The following PTBP3 variants were observed in gnomAD, a reference collection of about 807,000 sequenced individuals.
PTBP3 encodes polypyrimidine tract binding protein 3, also known as polypyrimidine tract-binding protein 3.
PTBP3 carries 20 observed loss-of-function variants against 58.7 expected under a neutral mutation model. That is an observed-to-expected ratio of 0.34 (90% CI 0.24 to 0.50). The LOEUF is 0.50. Among genes scored for constraint, PTBP3 ranks in the 20% least tolerant of loss-of-function variants. The pLI, the probability that PTBP3 is intolerant of heterozygous loss-of-function variation, is 0.98. For synonymous variants in PTBP3, 185 were observed against 219.8 expected, an observed-to-expected ratio of 0.84 and a Z score of 1.40; for missense variants, 509 against 637.2, an observed-to-expected ratio of 0.80 and a Z score of 2.17.
intron 1 of PTBP3, among the ~76,000 whole-genome samples, chr9:112,308,664 G>A (rs944676354): frequency 2.6e-5 from 4 of 152,064 alleles, no homozygotes; most frequent in Non-Finnish European, 5.9e-5. Flanking sequence ...ACTGTACCAC[G>A]GGTAAACAAA....
intron 1 of PTBP3, among the ~76,000 whole-genome samples, chr9:112,322,349 G>A (rs1028824693): frequency 9.9e-5 from 15 of 152,006 alleles, no homozygotes; most frequent in African/African-American, 3.6e-4. Flanking sequence ...ACCTAAGGGG[G>A]AAAAAAACTG....
chr9:112,222,095 G>A lies in PTBP3; in HGVS notation c.*1756C>T, dbSNP rs1834827598. 1 of 984,754 alleles carries A rather than the reference G, an allele frequency of 1.0e-6. No homozygotes were observed. Among genetic ancestry groups the A allele is most frequent in the South Asian group, 4.7e-5 (1 of 21,276 alleles). 61.0% of individuals were successfully genotyped at this position (984,754 alleles called of 1,614,324 possible). ...CAGGCGCACAGGCGCACACCACCAT[G>A]CCCAGCAAGATATTCTTTATTCTTT... On this transcript the variant is annotated 3_prime_UTR_variant, in exon 14 of 14. Coordinates refer to ENST00000374257, the MANE Select transcript of PTBP3 (RefSeq NM_001163788.4).
At chr9:112,242,782 C>T (rs928140679) in intron 7 of PTBP3, 1 of 152,240 alleles carries the variant, frequency 6.6e-6, no homozygotes, top group African/African-American at 2.4e-5. Flanking sequence ...AACTCCTGGG[C>T]TCAAGTGATC....
At chr9:112,330,353 T>C in intron 1 of PTBP3, 2 of 1,002,954 alleles carry the variant, frequency 2.0e-6, no homozygotes, top group South Asian at 3.0e-5. Context: ...TTTTACACAA[T>C]AAAGCAGATA....
chr9:112,267,252 G>A lies in PTBP3; in HGVS notation c.351+797C>T, dbSNP rs527798050. On this transcript the variant is annotated intron_variant, in intron 4 of 13. Transcript: ENST00000374257. ...ACGGTCTCGGCTCACCGCAAGCTCC[G>A]CCTCCCAGGCTCACGCCATTCCCCT... is the stretch of plus-strand genomic sequence containing the variant. Among the ~76,000 whole-genome samples, 914 of 147,638 alleles carry A rather than the reference G, an allele frequency of 6.2e-3. 14 individuals carry two copies. Among genetic ancestry groups the A allele is most frequent in the Middle Eastern group, 0.028 (8 of 284 alleles).
intron 1 of PTBP3, chr9:112,330,500 A>G: frequency 6.8e-7 from 1 of 1,477,844 alleles, no homozygotes; most frequent in Non-Finnish European, 9.2e-7. Context: ...AAAAAGAGAA[A>G]ATGGAAAACA....
At chr9:112,302,927 T>C (rs1454813973) in intron 1 of PTBP3, among the ~76,000 whole-genome samples, 1 of 152,224 alleles carries the variant, frequency 6.6e-6, no homozygotes, top group South Asian at 2.1e-4. Context: ...GCCATTTCAG[T>C]TTCAATTTGG....
intron 1 of PTBP3, among the ~76,000 whole-genome samples, chr9:112,300,247 G>A (rs1042517773): frequency 3.3e-5 from 5 of 152,138 alleles, no homozygotes; most frequent in Admixed American, 6.5e-5. Context: ...AGTCTACTCC[G>A]ATGCATAAAC....
intron 2 of PTBP3, among the ~76,000 whole-genome samples, chr9:112,285,626 A>G (rs1326266835): frequency 6.6e-6 from 1 of 152,246 alleles, no homozygotes; most frequent in Non-Finnish European, 1.5e-5. Context: ...CTGTGCAGTT[A>G]CGGCATGAAA....
chr9:112,291,195 C>A (rs1295336039), intron 2 of PTBP3, among the ~76,000 whole-genome samples: 2 of 151,466 alleles, frequency 1.3e-5, no homozygotes, highest in Non-Finnish European at 2.9e-5. Flanking sequence ...GCACTCCAGA[C>A]TGGGCAACAA....
chr9:112,310,429 T>G (rs1172094461), intron 1 of PTBP3, among the ~76,000 whole-genome samples: 3 of 152,246 alleles, frequency 2.0e-5, no homozygotes, highest in Non-Finnish European at 4.4e-5. Context: ...TTTGTATATT[T>G]ATTCAGTTCT....
chr9:112,314,981 G>A (rs1027667290), intron 1 of PTBP3, among the ~76,000 whole-genome samples: 2 of 151,966 alleles, frequency 1.3e-5, no homozygotes, highest in Admixed American at 6.6e-5. Flanking sequence ...ACAGGCACAC[G>A]CTGCCATGCC....
intron 4 of PTBP3, among the ~76,000 whole-genome samples, chr9:112,265,155 A>G (rs928555932): frequency 1.3e-4 from 16 of 122,930 alleles, no homozygotes; most frequent in African/African-American, 6.1e-4. Context: ...AAGATATATT[A>G]ATCAGTTAAT....
intron 1 of PTBP3, among the ~76,000 whole-genome samples, chr9:112,312,489 T>TTTG (rs1554804116): frequency 4.2e-4 from 2 of 4,736 alleles, no homozygotes; most frequent in East Asian, 2.9e-3. Context: ...TTTTTTTTTG[T>TTTG]TTTTTTTTTT....
At chr9:112,302,719 G>C (rs1025067943) in intron 1 of PTBP3, among the ~76,000 whole-genome samples, 27 of 151,218 alleles carry the variant, frequency 1.8e-4, no homozygotes, top group African/African-American at 6.3e-4. Context: ...CTCCTGAGCA[G>C]CTGGGATTAC....
intron 2 of PTBP3, among the ~76,000 whole-genome samples, chr9:112,278,717 G>A (rs1288077195): frequency 6.6e-6 from 1 of 152,192 alleles, no homozygotes; most frequent in African/African-American, 2.4e-5. Flanking sequence ...AGAGCGCAGA[G>A]CTATGAAATC....
At chr9:112,283,296 G>A (rs1423636645) in intron 2 of PTBP3, among the ~76,000 whole-genome samples, 1 of 152,120 alleles carries the variant, frequency 6.6e-6, no homozygotes, top group African/African-American at 2.4e-5. Flanking sequence ...AGGAAGATGT[G>A]GGAAACTTTG....
the PTBP3 span, among the ~76,000 whole-genome samples, chr9:112,374,187 A>C: frequency 0.14 from 21,531 of 152,156 alleles, 2,133 homozygotes; most frequent in East Asian, 0.24. Context: ...CACACCAGGC[A>C]ACACTAACTC....
At chr9:112,243,142 A>AC (rs1359499198) in intron 7 of PTBP3, among the ~76,000 whole-genome samples, 1 of 151,804 alleles carries the variant, frequency 6.6e-6, no homozygotes, top group Non-Finnish European at 1.5e-5. Context: ...AAAAAAAAAA[A>AC]AAAAACAGTT....
Sources: gnomAD v4.1 joint callset for allele counts (sites outside exome capture counted in the v4.1 genomes callset) on GRCh38, gnomAD v4.1.1 for gene constraint, MANE v1.5 for transcripts, NCBI Gene and HGNC (gene_info 2026-07-23, HGNC 2026-07-21) for gene names.